Variants in VAV3 observed in about 807,000 individuals in gnomAD.
VAV3 encodes guanine nucleotide exchange factor VAV3.
In VAV3, 94 loss-of-function variants were observed where a neutral mutation model predicts 131.2. That is an observed-to-expected ratio of 0.72 (90% confidence interval 0.61 to 0.85). VAV3 has a LOEUF of 0.85. Ranked by LOEUF, VAV3 falls within the 40% of genes least tolerant of loss-of-function variation. The pLI is 0.00. For missense variants in VAV3, 939 were observed against 1,002.7 expected, an observed-to-expected ratio of 0.94 and a Z score of 0.86; for synonymous variants, 349 against 342.0, an observed-to-expected ratio of 1.02 and a Z score of -0.22.
chr1:107,620,542 C>CATGATATGTAATGTTATT (rs1197011662), intron 20 of VAV3, among the ~76,000 whole-genome samples: 38 of 152,264 alleles, frequency 2.5e-4, no homozygotes, highest in South Asian at 1.0e-3. Context: ...ATAACATTTA[C>CATGATATGTAATGTTATT]ACAATGATGC....
chr1:107,683,358 TCA>T, intron 19 of VAV3, 128 bp downstream of exon 19: 1 of 994,826 alleles, frequency 1.0e-6, no homozygotes, highest in Non-Finnish European at 1.6e-6. Context: ...GACCTCCTGG[TCA>T]CACATTATAC....
In VAV3 at chr1:107,874,834, AG is replaced by A. The variant is rs1474510998; in HGVS notation, c.321+66del. The A allele has an allele frequency of 8.5e-5, 120 of 1,405,464 alleles. No individual in the cohort carries two copies. The Admixed American group carries it at 2.0e-3, about 24-fold the overall frequency. 87.1% of individuals were successfully genotyped at this position (1,405,464 alleles called of 1,614,324 possible). ...CACTTAAGTCACATGCCCTACTTCA[AG>A]ATTTGAAACAATTTGCTTAAATGCT... On this transcript the variant is annotated intron_variant, in intron 2 of 26. Coordinates refer to ENST00000370056, the MANE Select transcript of VAV3 (RefSeq NM_006113.5).
rs138716926 is a variant in VAV3 at position 107,893,888 on chromosome 1, C to A, written c.205-18871G>T. On this transcript the variant is annotated intron_variant, in intron 1 of 26. Coordinates refer to ENST00000370056, the MANE Select transcript of VAV3 (RefSeq NM_006113.5). ...GCTATTATGTTCATGAATATCCCCA[C>A]AAGATCCCAAAATAGGAAAACTCTT... 2.6e-5 allele frequency among the ~76,000 whole-genome samples: 4 copies of A among 152,304 alleles called. No individual in the cohort carries two copies. In the East Asian group the frequency reaches 7.7e-4, roughly 29 times the overall value.
intron 2 of VAV3, among the ~76,000 whole-genome samples, chr1:107,809,179 C>T (rs17020086): frequency 0.15 from 22,986 of 152,068 alleles, 2,013 homozygotes; most frequent in East Asian, 0.29. Context: ...AGCAAAGCCT[C>T]ATCATTTCTT....
intron 4 of VAV3, among the ~76,000 whole-genome samples, chr1:107,774,866 T>G (rs1665251532): frequency 6.6e-6 from 1 of 151,964 alleles, no homozygotes; most frequent in Non-Finnish European, 1.5e-5. Flanking sequence ...AAAATCAAGC[T>G]GTCACAGCAA....
At chr1:107,826,612 G>A (rs1668025383) in intron 2 of VAV3, among the ~76,000 whole-genome samples, 1 of 152,162 alleles carries the variant, frequency 6.6e-6, no homozygotes, top group Admixed American at 6.5e-5. Context: ...TTGGCAAACT[G>A]ATGAACTTCC....
intron 15 of VAV3, among the ~76,000 whole-genome samples, chr1:107,736,321 C>T (rs1662628534): frequency 6.6e-6 from 1 of 152,126 alleles, no homozygotes; most frequent in South Asian, 2.1e-4. Flanking sequence ...CCTCTCTCAC[C>T]ACTCCTATTC....
chr1:107,755,302 A>G, intron 12 of VAV3, 125 bp downstream of exon 12: 1 of 724,914 alleles, frequency 1.4e-6, no homozygotes, highest in Non-Finnish European at 2.3e-6. Context: ...CTGCCAAACA[A>G]AGGGACTGGC....
intron 1 of VAV3, among the ~76,000 whole-genome samples, chr1:107,935,928 G>A (rs1673688312): frequency 6.6e-6 from 1 of 152,190 alleles, no homozygotes; most frequent in Non-Finnish European, 1.5e-5. Flanking sequence ...GAGGCACACA[G>A]ACATCAAAGA....
intron 3 of VAV3, chr1:107,777,593 C>T: frequency 2.6e-6 from 1 of 384,006 alleles, no homozygotes; most frequent in Middle Eastern, 7.3e-4. Context: ...ATCTGATCTC[C>T]CACCTGCCAC....
rs1654206872 is a variant in VAV3 at position 107,628,469 on chromosome 1, A to T, written c.1915-10837T>A. On this transcript the variant is annotated intron_variant, in intron 20 of 26. Transcript: ENST00000370056. Reference sequence around the variant, plus strand: ...CCCCTGGCCAAGTCAAGAGCCCACCAGCCCCCAGGTTCGTTGCCTCTGAAA... The same window carrying T: ...CCCCTGGCCAAGTCAAGAGCCCACCTGCCCCCAGGTTCGTTGCCTCTGAAA... 2.6e-5 allele frequency among the ~76,000 whole-genome samples: 4 copies of T among 152,302 alleles called. 1 individual carries two copies. The highest frequency in any genetic ancestry group is 2.6e-4 in the Admixed American group (4 of 15,298).
chr1:107,843,624 C>G (rs998764744), intron 2 of VAV3, among the ~76,000 whole-genome samples: 2 of 151,472 alleles, frequency 1.3e-5, no homozygotes, highest in African/African-American at 4.9e-5. Flanking sequence ...CGTATTTAAA[C>G]CTCCACATTA....
At chr1:107,722,608 A>G (rs1406377141) in intron 15 of VAV3, among the ~76,000 whole-genome samples, 1 of 152,180 alleles carries the variant, frequency 6.6e-6, no homozygotes, top group Non-Finnish European at 1.5e-5. Flanking sequence ...GTCCAATAAG[A>G]ATACAAATGG....
chr1:107,691,360 C>A (rs986365764), intron 17 of VAV3, among the ~76,000 whole-genome samples: 2 of 152,108 alleles, frequency 1.3e-5, no homozygotes, highest in African/African-American at 4.8e-5. Flanking sequence ...TTTTTACTTC[C>A]TTTTGGTATC....
chr1:107,633,105 T>A (rs796988415), intron 20 of VAV3, among the ~76,000 whole-genome samples: 1 of 152,064 alleles, frequency 6.6e-6, no homozygotes, highest in African/African-American at 2.4e-5. Flanking sequence ...CTGTGAGGAA[T>A]GAAGGAAATA....
intron 2 of VAV3, among the ~76,000 whole-genome samples, chr1:107,850,988 C>T (rs368356842): frequency 6.6e-6 from 1 of 151,930 alleles, no homozygotes; most frequent in Non-Finnish European, 1.5e-5. Context: ...ATCCTGAATT[C>T]TAGGTGGCAA....
intron 1 of VAV3, among the ~76,000 whole-genome samples, chr1:107,936,918 G>A (rs899466101): frequency 3.4e-4 from 51 of 152,088 alleles, no homozygotes; most frequent in African/African-American, 1.1e-3. Flanking sequence ...TTAAAAGGAA[G>A]GGACATCTGA....
chr1:107,703,482 C>T (rs1660256455), intron 17 of VAV3, among the ~76,000 whole-genome samples: 1 of 152,150 alleles, frequency 6.6e-6, no homozygotes, highest in Non-Finnish European at 1.5e-5. Flanking sequence ...AGTGTAGGTG[C>T]TCAACTCATG....
chr1:107,741,540 G>A (rs751207559), intron 15 of VAV3, among the ~76,000 whole-genome samples: 6 of 152,188 alleles, frequency 3.9e-5, no homozygotes, highest in South Asian at 2.1e-4. Flanking sequence ...CCACTGTGAC[G>A]CCTGTTGGCA....
Sources: gnomAD v4.1 joint callset for allele counts (sites outside exome capture counted in the v4.1 genomes callset) on GRCh38, gnomAD v4.1.1 for gene constraint, MANE v1.5 for transcripts, NCBI Gene and HGNC (gene_info 2026-07-23, HGNC 2026-07-21) for gene names.